Variants in KIRREL3 observed in about 807,000 individuals in gnomAD.
KIRREL3 encodes the protein kin of IRRE-like protein 3.
A neutral mutation model predicts 89.7 loss-of-function variants in KIRREL3; 36 were observed. That is an observed-to-expected ratio of 0.40 (90% CI 0.31 to 0.53). KIRREL3 has a LOEUF of 0.53. KIRREL3 is among the 20% of genes least tolerant of loss of function. The probability of loss-of-function intolerance (pLI) is 0.49; values close to 1 mark genes in which losing one functional copy is unlikely to be tolerated. For synonymous variants in KIRREL3, 445 were observed against 441.4 expected (o/e 1.01, Z -0.10); for missense variants, 864 against 1,056.6 (o/e 0.82, Z 2.53).
At chr11:126,920,668 C>G (rs1044083659) in intron 1 of KIRREL3, 5 of 152,244 alleles carry the variant, frequency 3.3e-5, no homozygotes, top group African/African-American at 1.2e-4. Flanking sequence ...TAAACTTCCT[C>G]TTTGGTCTCT....
chr11:126,833,095 C>G (rs1592195034), intron 1 of KIRREL3, among the ~76,000 whole-genome samples: 1 of 152,278 alleles, frequency 6.6e-6, no homozygotes, highest in Middle Eastern at 3.4e-3. Flanking sequence ...TTCAGGTTCT[C>G]TTATCTGGTC....
chr11:126,806,220 A>C (rs538235972), intron 1 of KIRREL3, among the ~76,000 whole-genome samples: 21 of 152,176 alleles, frequency 1.4e-4, no homozygotes, highest in Non-Finnish European at 2.2e-4. Flanking sequence ...AGGTAATAAA[A>C]CCATGAATAA....
At chr11:126,698,452 C>T (rs1436521377) in intron 1 of KIRREL3, among the ~76,000 whole-genome samples, 1 of 152,242 alleles carries the variant, frequency 6.6e-6, no homozygotes, top group East Asian at 1.9e-4. Flanking sequence ...TGGGTGTTCT[C>T]ATCTGCCGGC....
intron 1 of KIRREL3, among the ~76,000 whole-genome samples, chr11:126,915,690 A>C (rs557713625): frequency 6.6e-6 from 1 of 152,326 alleles, no homozygotes; most frequent in African/African-American, 2.4e-5. Flanking sequence ...GCCAAGGCTC[A>C]GCTTTGTATT....
chr11:126,500,528 T>C (rs1351035605), intron 4 of KIRREL3, among the ~76,000 whole-genome samples: 3 of 152,024 alleles, frequency 2.0e-5, no homozygotes, highest in East Asian at 3.9e-4. Flanking sequence ...TCACTTGAGA[T>C]CAGGAATTCG....
intron 4 of KIRREL3, among the ~76,000 whole-genome samples, chr11:126,506,917 A>T (rs770644641): frequency 8.5e-5 from 13 of 152,136 alleles, no homozygotes; most frequent in Non-Finnish European, 1.9e-4. Context: ...AAACCACCAC[A>T]CCTGGCCAGC....
chr11:126,493,654 CA>C (rs5795499), intron 4 of KIRREL3, among the ~76,000 whole-genome samples: 121 of 82,218 alleles, frequency 1.5e-3, no homozygotes, highest in African/African-American at 5.8e-3. Flanking sequence ...GACTCTGTCT[CA>C]AAAAAAAAAA....
chr11:126,451,286 GTGTGTGCA>G (rs1254120515), intron 7 of KIRREL3, among the ~76,000 whole-genome samples: 70 of 145,180 alleles, frequency 4.8e-4, no homozygotes, highest in Non-Finnish European at 5.4e-4. Flanking sequence ...GCATGTGTGC[GTGTGTGCA>G]TGTGTGCATG....
chr11:126,851,570 G>C (rs1482094414), intron 1 of KIRREL3, among the ~76,000 whole-genome samples: 1 of 152,174 alleles, frequency 6.6e-6, no homozygotes, highest in East Asian at 1.9e-4. Context: ...TTCAGACAGA[G>C]AGAACATCTC....
At chr11:126,881,473 G>C (rs1045730472) in intron 1 of KIRREL3, among the ~76,000 whole-genome samples, 2 of 152,198 alleles carry the variant, frequency 1.3e-5, no homozygotes, top group African/African-American at 4.8e-5. Context: ...CACCAACATA[G>C]GAAGTCCCAG....
rs1209123672 is a variant in KIRREL3, at chr11:126,575,028, C to T, written c.56-12116G>A. 6.6e-6 allele frequency among the ~76,000 whole-genome samples: 1 copy of T among 152,118 alleles called. No individual in the cohort carries two copies. Among genetic ancestry groups the T allele is most frequent in the Non-Finnish European group, 1.5e-5 (1 of 68,036 alleles). On this transcript the variant is annotated intron_variant, in intron 1 of 16. Transcript: ENST00000525144. This position sits in a 1 kb window ranked among gnomAD's most constrained non-coding sequence, Gnocchi z 7.0. ...GTTCTTGACTCAGGCTCTGTCAGTC[C>T]ACAGAGGGTGGTTATGGCAATGTGG...
intron 11 of KIRREL3, chr11:126,440,151 C>T: frequency 1.6e-6 from 1 of 618,072 alleles, no homozygotes; most frequent in Non-Finnish European, 3.0e-6. Flanking sequence ...CTTGTCTTTT[C>T]TCTCCACTAC....
chr11:126,488,042 G>A (rs1957414345), intron 4 of KIRREL3, among the ~76,000 whole-genome samples: 1 of 152,276 alleles, frequency 6.6e-6, no homozygotes. Flanking sequence ...GGATGGGGCT[G>A]GTTTTGGCAC....
Position 126,530,517 on chromosome 11 carries a change from C to CCA in KIRREL3, c.134-3832_134-3831dup, listed in dbSNP as rs1958908619. ...GTGAGCTCCTGAGAACCTGTTTCTTCCACACACACACTGACCGGACCCTGC... is the reference window on the plus strand; with the variant it reads ...GTGAGCTCCTGAGAACCTGTTTCTTCCACACACACACACTGACCGGACCCTGC... On this transcript the variant is annotated intron_variant, in intron 2 of 16. Transcript: ENST00000525144. This position sits in a 1 kb window ranked among gnomAD's most constrained non-coding sequence, Gnocchi z 5.8. Among the ~76,000 whole-genome samples the CCA allele has an allele frequency of 6.6e-6, 1 of 152,186 alleles. No homozygotes were observed. Among genetic ancestry groups the CCA allele is most frequent in the African/African-American group, 2.4e-5 (1 of 41,442 alleles).
chr11:126,921,425 ATC>A (rs1160303903), intron 1 of KIRREL3, among the ~76,000 whole-genome samples: 1 of 151,384 alleles, frequency 6.6e-6, no homozygotes, highest in Non-Finnish European at 1.5e-5. Flanking sequence ...CTATCTATCT[ATC>A]TATCTATCTA....
chr11:126,734,942 C>T lies in KIRREL3; in HGVS notation c.56-172030G>A, dbSNP rs1948752135. Among the ~76,000 whole-genome samples the T allele has an allele frequency of 6.6e-6, 1 of 152,190 alleles. No homozygotes were observed. Among genetic ancestry groups the T allele is most frequent in the African/African-American group, 2.4e-5 (1 of 41,450 alleles). ...GTGCTGTCTTCTGGTCCAGCTGTGC[C>T]TGGCTCCGACCAAGGGCAGGGTCAA... On this transcript the variant is annotated intron_variant, in intron 1 of 16. Transcript: ENST00000525144. This position sits in a 1 kb window ranked among gnomAD's most constrained non-coding sequence, Gnocchi z 5.9.
intron 4 of KIRREL3, among the ~76,000 whole-genome samples, chr11:126,514,649 A>G: frequency 6.6e-6 from 1 of 152,364 alleles, no homozygotes; most frequent in South Asian, 2.1e-4. Flanking sequence ...CTTCAACCCC[A>G]TGAAAGCAGT....
chr11:126,820,365 G>T (rs1447274147), intron 1 of KIRREL3, among the ~76,000 whole-genome samples: 1 of 152,062 alleles, frequency 6.6e-6, no homozygotes, highest in East Asian at 1.9e-4. Flanking sequence ...ACCTTTTCCT[G>T]CAGGAAAAGA....
In KIRREL3 at chr11:126,872,203, G is replaced by A. The variant is rs1468558282; in HGVS notation, c.55+128252C>T. 1.3e-5 allele frequency among the ~76,000 whole-genome samples: 2 copies of A among 152,326 alleles called. No homozygotes were observed. Among genetic ancestry groups the A allele is most frequent in the African/African-American group, 2.4e-5 (1 of 41,578 alleles). ...AACATAAAAAGATACTTCTAGTAGT[G>A]TCATGACACTTTACAAATGCCACAT... On this transcript the variant is annotated intron_variant, in intron 1 of 16. Transcript: ENST00000525144. The surrounding 1 kb of genome is among the most constrained non-coding windows in gnomAD (Gnocchi z 4.2).
Sources: gnomAD v4.1 joint callset for allele counts (sites outside exome capture counted in the v4.1 genomes callset) on GRCh38, gnomAD v4.1.1 for gene constraint, Gnocchi (gnomAD v3.1) non-coding constraint, MANE v1.5 for transcripts, NCBI Gene and HGNC (gene_info 2026-07-23, HGNC 2026-07-21) for gene names.